Variants in CDCA5 observed in about 807,000 individuals in gnomAD.
CDCA5 encodes cell division cycle associated 5.
A neutral mutation model predicts 25.7 loss-of-function variants in CDCA5; 14 were observed. The observed-to-expected ratio is 0.54, with a 90% confidence interval of 0.36 to 0.85. The LOEUF (loss-of-function observed/expected upper bound fraction) is 0.85, where lower values mean the gene tolerates loss of function less well. Ranked by LOEUF, CDCA5 falls within the 40% of genes least tolerant of loss-of-function variation. The pLI is 0.01. For synonymous variants in CDCA5, 127 were observed against 128.7 expected, an observed-to-expected ratio of 0.99 and a Z score of 0.09; for missense variants, 307 against 324.5, an observed-to-expected ratio of 0.95 and a Z score of 0.41.
At position 65,066,545 on chromosome 11, in the gene CDCA5, C is replaced by T. The variant is rs1273452408; in HGVS notation, c.563+7G>A. ...TTCCCTCCCCGCTGCCATGGCTGCC[C>T]GCACACCTGAGCAGAGCCACCTCCG... On this transcript the variant is annotated splice_region_variant and intron_variant, in intron 6 of 6. Coordinates refer to the CDCA5 transcript ENST00000525464. The T allele has an allele frequency of 1.1e-5, 14 of 1,289,328 alleles. No individual in the cohort carries two copies. The Admixed American group carries it at 1.6e-4, about 15-fold the overall frequency. The allele number at this position is 1,289,328 out of a possible 1,614,324, so 79.9% of individuals were successfully genotyped here.
At chr11:65,073,314 A>G (rs1947376955), downstream of CDCA5, among the ~76,000 whole-genome samples, 1 of 152,202 alleles carries the variant, frequency 6.6e-6, no homozygotes. Context: ...AAGGAAACTG[A>G]GGCACATCAG....
intron 4 of CDCA5, among the ~76,000 whole-genome samples, chr11:65,080,084 G>A (rs1028417540): frequency 6.6e-6 from 1 of 152,046 alleles, no homozygotes; most frequent in South Asian, 2.1e-4. Context: ...TAGAGACGGG[G>A]TTTCACCGTG....
chr11:65,079,861 T>G, intron 4 of CDCA5, 74 bp from the exon 5 acceptor site: 1 of 1,240,582 alleles, frequency 8.1e-7, no homozygotes, highest in Non-Finnish European at 1.1e-6. Context: ...CCCGAGAAGA[T>G]TCAGGGTGGA....
downstream of CDCA5, among the ~76,000 whole-genome samples, chr11:65,061,777 G>GAA (rs781316054): frequency 2.5e-4 from 20 of 81,526 alleles, no homozygotes; most frequent in Admixed American, 4.2e-4. Flanking sequence ...TCCGTCTCAA[G>GAA]AAAAAAAAAA....
chr11:65,063,246 G>A (rs772495177), downstream of CDCA5, among the ~76,000 whole-genome samples: 2 of 152,350 alleles, frequency 1.3e-5, no homozygotes, highest in Admixed American at 1.3e-4. Flanking sequence ...TCAGTGCTGG[G>A]TGTTCCCAAA....
downstream of CDCA5, among the ~76,000 whole-genome samples, chr11:65,065,296 A>T (rs114797468): frequency 0.023 from 3,485 of 150,280 alleles, 120 homozygotes; most frequent in African/African-American, 0.08. Context: ...TAAAAAAAAA[A>T]TTTTTTTTTG....
intron 1 of CDCA5, chr11:65,068,637 T>A: frequency 8.3e-7 from 1 of 1,203,092 alleles, no homozygotes; most frequent in Non-Finnish European, 1.1e-6. Flanking sequence ...CACTCACATC[T>A]ACCATCCCCG....
At chr11:65,077,167 ACC>A, downstream of CDCA5, among the ~76,000 whole-genome samples, 1 of 152,156 alleles carries the variant, frequency 6.6e-6, no homozygotes, top group East Asian at 1.9e-4. Context: ...GGCACCTGTA[ACC>A]CCAGCTACTT....
downstream of CDCA5, among the ~76,000 whole-genome samples, chr11:65,073,619 C>T (rs1044209459): frequency 6.6e-6 from 1 of 152,212 alleles, no homozygotes; most frequent in Admixed American, 6.5e-5. Context: ...ACACCAGCCT[C>T]GGCCTGGAGT....
chr11:65,063,273 T>C (rs775723052), downstream of CDCA5, among the ~76,000 whole-genome samples: 3 of 152,106 alleles, frequency 2.0e-5, 1 homozygote, highest in South Asian at 4.1e-4. Context: ...CGTTGCAGGA[T>C]GGAGGAAGGC....
Position 65,077,865 on chromosome 11 carries a change from T to C in CDCA5, c.*1242A>G, listed in dbSNP as rs993672190. 1.0e-6 allele frequency: 1 copy of C among 985,786 alleles called. No homozygotes were observed. Among genetic ancestry groups the C allele is most frequent in the Non-Finnish European group, 1.2e-6 (1 of 830,100 alleles). 61.1% of individuals were successfully genotyped at this position (985,786 alleles called of 1,614,324 possible). A position where few individuals can be genotyped will look rare whatever the true frequency, so the allele number is the denominator to read the frequency against. The stretch of plus-strand genomic sequence containing the variant: ...ATTCTCTGTTATCCACCAGCTCCTC[T>C]GCACACCTCAGCGTCTACTTCCACG... On this transcript the variant is annotated 3_prime_UTR_variant, in exon 6 of 6. Coordinates refer to ENST00000275517, the MANE Select transcript of CDCA5 (RefSeq NM_080668.4).
At chr11:65,068,899 C>T (rs1947291258) in intron 1 of CDCA5, among the ~76,000 whole-genome samples, 1 of 152,212 alleles carries the variant, frequency 6.6e-6, no homozygotes, top group East Asian at 1.9e-4. Context: ...TCAAATTTAA[C>T]TAGGTGTCCT....
rs899386660 is a variant in CDCA5 at position 65,072,359 on chromosome 11, A to G, written c.64-3758T>C. The stretch of plus-strand genomic sequence containing the variant: ...CAAAGCCTCATCTGAAAGGGTGGTG[A>G]GCTACCGGGCTGAGGACCCAGGCGA... On this transcript the variant is annotated intron_variant, in intron 1 of 6. Coordinates refer to the CDCA5 transcript ENST00000525464. 9.8e-5 allele frequency among the ~76,000 whole-genome samples: 15 copies of G among 152,312 alleles called. No individual in the cohort carries two copies. In the East Asian group the frequency reaches 2.1e-3, roughly 22 times the overall value.
intron 1 of CDCA5, among the ~76,000 whole-genome samples, chr11:65,070,834 C>T (rs1428875637): frequency 6.6e-6 from 1 of 152,068 alleles, no homozygotes; most frequent in Non-Finnish European, 1.5e-5. Context: ...TTTTGGATTT[C>T]AGATTTCTTA....
rs1947527921 is a variant in CDCA5, at chr11:65,079,805, A to AG, written c.244-19dup. 4.8e-6 allele frequency: 7 copies of AG among 1,453,584 alleles called. No individual in the cohort carries two copies. The highest frequency in any genetic ancestry group is 6.4e-6 in the Non-Finnish European group (7 of 1,100,326). The allele number at this position is 1,453,584 out of a possible 1,614,324, so 90.0% of individuals were successfully genotyped here. A position where few individuals can be genotyped will look rare whatever the true frequency, so the allele number is the denominator to read the frequency against. The stretch of plus-strand genomic sequence containing the variant: ...AAGGAAATCTGCACCAGGACAGAAG[A>AG]GGGGATGCCCTCAATACTTAGCTGG... On this transcript the variant is annotated intron_variant, in intron 4 of 5. Transcript: ENST00000275517.
downstream of CDCA5, among the ~76,000 whole-genome samples, chr11:65,065,138 T>C (rs1370078571): frequency 6.6e-6 from 1 of 152,220 alleles, no homozygotes; most frequent in Non-Finnish European, 1.5e-5. Context: ...GAAGGAATTC[T>C]GCATGGTGGA....
At chr11:65,082,942 T>C (rs1288965373) in intron 4 of CDCA5, among the ~76,000 whole-genome samples, 4 of 152,150 alleles carry the variant, frequency 2.6e-5, no homozygotes, top group Non-Finnish European at 5.9e-5. Flanking sequence ...CCCTATCAGC[T>C]CTTCAAAGGA....
chr11:65,083,833 C>T (rs947799), intron 1 of CDCA5, 100 bp downstream of exon 1: 957,831 of 1,584,638 alleles, frequency 0.6, 299,324 homozygotes, highest in Middle Eastern at 0.68. Context: ...TTTAAGGGCG[C>T]CTCCTCCGGC....
Position 65,079,733 on chromosome 11 carries a change from C to T in CDCA5, c.298G>A (p.Glu100Lys), listed in dbSNP as rs1480371795. 7 of 1,513,012 alleles carry T rather than the reference C, an allele frequency of 4.6e-6. No individual in the cohort carries two copies. The allele number at this position is 1,513,012 out of a possible 1,614,324, so 93.7% of individuals were successfully genotyped here. A position where few individuals can be genotyped will look rare whatever the true frequency, so the allele number is the denominator to read the frequency against. ...ACGCTGTGTGTCTTGAAAAGGTCCTCCTTAGTAAGCTCCCTGCCAGGGGGC... is the reference window on the plus strand; with the variant it reads ...ACGCTGTGTGTCTTGAAAAGGTCCTTCTTAGTAAGCTCCCTGCCAGGGGGC... The part of the protein sequence containing the change: ...NEPPGRELTK[E>K]DLFKTHSVPA... Residue 100 changes from glutamate to lysine, a missense_variant, in exon 5 of 6, where the codon GAG becomes AAG. Glu to Lys is a moderately conservative substitution (Grantham distance 56). Coordinates refer to ENST00000275517, the MANE Select transcript of CDCA5 (RefSeq NM_080668.4).
Sources: allele counts gnomAD v4.1 joint callset (sites outside exome capture counted in the v4.1 genomes callset), GRCh38; gene constraint gnomAD v4.1.1; transcripts MANE v1.5; gene names NCBI Gene and HGNC (gene_info 2026-07-23, HGNC 2026-07-21).